The following PLPPR1 variants were observed in gnomAD, a reference collection of about 807,000 sequenced individuals.
PLPPR1 encodes the protein phospholipid phosphatase-related protein type 1.
PLPPR1 carries 10 observed loss-of-function variants against 33.1 expected under a neutral mutation model. That is an observed-to-expected ratio of 0.30 (90% CI 0.19 to 0.51). The LOEUF (loss-of-function observed/expected upper bound fraction) is 0.51. Ranked by LOEUF, PLPPR1 falls within the 20% of genes least tolerant of loss-of-function variation. The pLI is 0.97. For synonymous variants in PLPPR1, 151 were observed against 151.0 expected (o/e 1.00, Z 0.00); for missense variants, 304 against 408.1 (o/e 0.74, Z 2.20).
intron 1 of PLPPR1, among the ~76,000 whole-genome samples, chr9:101,144,709 G>A (rs1264578386): frequency 6.6e-6 from 1 of 152,196 alleles, no homozygotes; most frequent in African/African-American, 2.4e-5. Context: ...GGCAAATACA[G>A]GTGGGATCTG....
In PLPPR1 at chr9:101,182,066, C is replaced by CT. The variant is rs1826124081; in HGVS notation, c.-45-3383dup. Among the ~76,000 whole-genome samples the CT allele has an allele frequency of 1.3e-4, 19 of 151,394 alleles. No homozygotes were observed. In the South Asian group the frequency reaches 4.0e-3, roughly 32 times the overall value. ...ATATATGTAGTATTGTAATGGAATA[C>CT]TATTTAGCCTTAAAAAGGGGGAAAT... is the stretch of plus-strand genomic sequence containing the variant. On this transcript the variant is annotated intron_variant, in intron 1 of 7. Transcript: ENST00000374874.
chr9:101,138,478 C>A (rs576923510), intron 1 of PLPPR1, among the ~76,000 whole-genome samples: 1 of 152,268 alleles, frequency 6.6e-6, no homozygotes, highest in South Asian at 2.1e-4. Context: ...GTACTAAATG[C>A]TTTACAAATA....
intron 2 of PLPPR1, among the ~76,000 whole-genome samples, chr9:101,228,809 T>C (rs1045065085): frequency 1.4e-4 from 21 of 152,218 alleles, no homozygotes; most frequent in African/African-American, 5.1e-4. Flanking sequence ...CTGGACAAAG[T>C]AGCAGCCGAA....
In PLPPR1 at chr9:101,180,094, TTATATATATATATATATA is replaced by T. The variant is rs71507977; in HGVS notation, c.-45-5323_-45-5306del. ...GAGTTAATACTTAATAAACTCTCCT[TTATATATATATATATATA>T]TATATATATATATATATATATATAT... On this transcript the variant is annotated intron_variant, in intron 1 of 7. Transcript: ENST00000374874. Among the ~76,000 whole-genome samples, 217 of 62,016 alleles carry T rather than the reference TTATATATATATATATATA, an allele frequency of 3.5e-3. 4 individuals are homozygous for T. Among genetic ancestry groups the T allele is most frequent in the Middle Eastern group, 0.019 (2 of 104 alleles). 40.7% of individuals were successfully genotyped at this position (62,016 alleles called of 152,430 possible).
intron 2 of PLPPR1, 74 bp from the exon 3 acceptor site, chr9:101,269,806 G>T: frequency 7.2e-7 from 1 of 1,393,220 alleles, no homozygotes; most frequent in East Asian, 2.3e-5. Flanking sequence ...GGTGATGGAG[G>T]GAGTGTGCTC....
At chr9:101,280,954 T>C (rs915982282) in intron 3 of PLPPR1, among the ~76,000 whole-genome samples, 1 of 151,934 alleles carries the variant, frequency 6.6e-6, no homozygotes, top group African/African-American at 2.4e-5. Context: ...AGAAGGAACA[T>C]CCAAATTGGA....
chr9:101,129,509 T>C (rs1831289831), intron 1 of PLPPR1, among the ~76,000 whole-genome samples: 1 of 152,054 alleles, frequency 6.6e-6, no homozygotes, highest in Non-Finnish European at 1.5e-5. Flanking sequence ...AATTCTGGTA[T>C]ATCCACACAC....
chr9:101,290,777 T>C (rs146869091), intron 4 of PLPPR1, among the ~76,000 whole-genome samples: 154 of 152,344 alleles, frequency 1.0e-3, no homozygotes, highest in African/African-American at 3.5e-3. Context: ...TAAAACACTA[T>C]GAATCCGATC....
At chr9:101,124,589 G>A (rs1831221741) in intron 1 of PLPPR1, among the ~76,000 whole-genome samples, 1 of 152,190 alleles carries the variant, frequency 6.6e-6, no homozygotes, top group Non-Finnish European at 1.5e-5. Flanking sequence ...GCTGTAGCCA[G>A]GAGGCCACTG....
At chr9:101,240,556 T>A (rs1827443403) in intron 2 of PLPPR1, among the ~76,000 whole-genome samples, 1 of 152,074 alleles carries the variant, frequency 6.6e-6, no homozygotes. Flanking sequence ...TTACTGTCTT[T>A]GAACTAAGTA....
At chr9:101,182,890 G>A (rs542583641) in intron 1 of PLPPR1, among the ~76,000 whole-genome samples, 2 of 151,708 alleles carry the variant, frequency 1.3e-5, no homozygotes, top group Admixed American at 1.3e-4. Flanking sequence ...CACATGGAAA[G>A]ATGCTCAACA....
intron 1 of PLPPR1, among the ~76,000 whole-genome samples, chr9:101,134,414 G>A (rs1226447349): frequency 6.8e-6 from 1 of 146,234 alleles, no homozygotes; most frequent in African/African-American, 2.5e-5. Context: ...ACCATTCCTT[G>A]TTCTGTCACC....
intron 2 of PLPPR1, among the ~76,000 whole-genome samples, chr9:101,208,490 C>T (rs1029361509): frequency 2.6e-5 from 4 of 152,188 alleles, no homozygotes; most frequent in African/African-American, 4.8e-5. Flanking sequence ...CTCTTTTGGA[C>T]ATTACAGCTA....
Position 101,133,284 on chromosome 9 carries a change from G to T in PLPPR1, c.-45-52166G>T, listed in dbSNP as rs570682839. Among the ~76,000 whole-genome samples, 4 of 152,140 alleles carry T rather than the reference G, an allele frequency of 2.6e-5. No homozygotes were observed. In the East Asian group the frequency reaches 7.7e-4, roughly 29 times the overall value. ...AAGCATAGTTTTCAGCTGCTGGGAAGAATATAGATCTAATTATTTCCCCTG... is the reference window on the plus strand; with the variant it reads ...AAGCATAGTTTTCAGCTGCTGGGAATAATATAGATCTAATTATTTCCCCTG... On this transcript the variant is annotated intron_variant, in intron 1 of 7. Transcript: ENST00000374874.
At chr9:101,070,617 G>A (rs1170298806) in intron 1 of PLPPR1, among the ~76,000 whole-genome samples, 2 of 152,018 alleles carry the variant, frequency 1.3e-5, no homozygotes, top group Non-Finnish European at 2.9e-5. Context: ...TCTTCCACTC[G>A]AAGTGATACC....
chr9:101,068,675 CGA>C (rs1830448547), intron 1 of PLPPR1, among the ~76,000 whole-genome samples: 1 of 151,760 alleles, frequency 6.6e-6, no homozygotes, highest in Non-Finnish European at 1.5e-5. Context: ...CCCCAAACAC[CGA>C]GAGACAAATG....
intron 1 of PLPPR1, among the ~76,000 whole-genome samples, chr9:101,140,335 C>T (rs1338101023): frequency 5.3e-5 from 8 of 152,134 alleles, no homozygotes. Context: ...TTGTAGAGGT[C>T]TACTGTGTAC....
chr9:101,203,689 AT>A (rs1826533361), intron 2 of PLPPR1, among the ~76,000 whole-genome samples: 2 of 78,260 alleles, frequency 2.6e-5, no homozygotes, highest in South Asian at 5.9e-4. Flanking sequence ...CTATATACAC[AT>A]TAGATACATT....
At chr9:101,108,944 T>C (rs901936950) in intron 1 of PLPPR1, among the ~76,000 whole-genome samples, 1 of 147,020 alleles carries the variant, frequency 6.8e-6, no homozygotes, top group Non-Finnish European at 1.5e-5. Context: ...GCAAAAGCTC[T>C]TTTTTGTCTT....
Sources: gnomAD v4.1 joint callset for allele counts (sites outside exome capture counted in the v4.1 genomes callset) on GRCh38, gnomAD v4.1.1 for gene constraint, MANE v1.5 for transcripts, NCBI Gene and HGNC (gene_info 2026-07-23, HGNC 2026-07-21) for gene names.